UBE4B: variants seen among roughly 807,000 people sequenced by gnomAD.
The protein encoded by UBE4B is ubiquitin conjugation factor E4 B.
Under a neutral mutation model 148.1 loss-of-function variants are expected in UBE4B, and 27 were observed. The observed-to-expected ratio is 0.18, with a 90% confidence interval of 0.13 to 0.25. UBE4B has a LOEUF of 0.25. Ranked by LOEUF, UBE4B falls within the 10% of genes least tolerant of loss-of-function variation. UBE4B has a pLI of 1.00. For missense variants in UBE4B, 1,170 were observed against 1,662.4 expected (o/e 0.70, Z 5.15); for synonymous variants, 596 against 619.3 (o/e 0.96, Z 0.56).
intron 20 of UBE4B, among the ~76,000 whole-genome samples, chr1:10,150,359 C>T (rs1187758127): frequency 6.6e-6 from 1 of 152,030 alleles, no homozygotes; most frequent in Non-Finnish European, 1.5e-5. Context: ...GTTCTATGCA[C>T]AGTGATACAA....
intron 21 of UBE4B, among the ~76,000 whole-genome samples, chr1:10,154,655 A>C (rs1003521931): frequency 1.1e-4 from 16 of 152,176 alleles, no homozygotes; most frequent in African/African-American, 3.9e-4. Context: ...TCTGGCCAAA[A>C]TGGTGAAACC....
At chr1:10,085,419 T>A (rs1644749011) in intron 2 of UBE4B, among the ~76,000 whole-genome samples, 1 of 152,210 alleles carries the variant, frequency 6.6e-6, no homozygotes, top group Non-Finnish European at 1.5e-5. Context: ...ATGTGGCAGA[T>A]GAAAGAGACT....
At chr1:10,158,230 T>A (rs1481896718) in intron 21 of UBE4B, 126 bp from the exon 22 acceptor site, 2 of 1,245,822 alleles carry the variant, frequency 1.6e-6, no homozygotes, top group Admixed American at 4.6e-5. Flanking sequence ...GCAAAAGAAG[T>A]GCAAAATTTC....
chr1:10,094,960 A>G (rs1280753337), intron 2 of UBE4B, among the ~76,000 whole-genome samples: 3 of 151,898 alleles, frequency 2.0e-5, no homozygotes, highest in Non-Finnish European at 4.4e-5. Flanking sequence ...TGTATTTTTA[A>G]TAGACATGAG....
intron 1 of UBE4B, among the ~76,000 whole-genome samples, chr1:10,040,439 CAG>C (rs1449427781): frequency 6.6e-6 from 1 of 151,890 alleles, no homozygotes; most frequent in Non-Finnish European, 1.5e-5. Context: ...TTTGTAGAGA[CAG>C]GGTCTTGCCA....
At chr1:10,115,442 T>C (rs1301222391) in intron 7 of UBE4B, among the ~76,000 whole-genome samples, 1 of 152,040 alleles carries the variant, frequency 6.6e-6, no homozygotes, top group Non-Finnish European at 1.5e-5. Context: ...CTAATTTTTT[T>C]GTATTTTTAG....
intron 20 of UBE4B, among the ~76,000 whole-genome samples, chr1:10,151,038 C>T (rs1645966940): frequency 6.6e-6 from 1 of 151,098 alleles, no homozygotes; most frequent in Non-Finnish European, 1.5e-5. Flanking sequence ...TGGCAGGTGC[C>T]TGTAGTCCCA....
intron 2 of UBE4B, among the ~76,000 whole-genome samples, chr1:10,081,852 G>A (rs1211333216): frequency 1.3e-5 from 2 of 152,080 alleles, no homozygotes; most frequent in Admixed American, 1.3e-4. Context: ...GCCTCCCAAA[G>A]TGCTGGGATT....
chr1:10,033,736 T>C, intron 1 of UBE4B, 42 bp downstream of exon 1: 2 of 1,524,064 alleles, frequency 1.3e-6, no homozygotes, highest in Non-Finnish European at 1.8e-6. Flanking sequence ...AGTTGGCAAC[T>C]CGTTAGCGCT....
chr1:10,043,490 G>T (rs375904050), intron 1 of UBE4B, among the ~76,000 whole-genome samples: 1 of 141,894 alleles, frequency 7.0e-6, no homozygotes, highest in African/African-American at 2.6e-5. Flanking sequence ...GCAGTGGCGC[G>T]ATCTCGGCTC....
chr1:10,056,373 A>T (rs1054748741), intron 1 of UBE4B, among the ~76,000 whole-genome samples: 24 of 152,210 alleles, frequency 1.6e-4, no homozygotes, highest in African/African-American at 3.6e-4. Flanking sequence ...TTATTTTTTT[A>T]AAAAAGACTA....
rs115307556 is a variant in UBE4B at position 10,141,593 on chromosome 1, A to G, written c.2364-3347A>G. Among the ~76,000 whole-genome samples, 1,112 of 152,294 alleles carry G rather than the reference A, an allele frequency of 7.3e-3. 6 individuals carry two copies. Among genetic ancestry groups the G allele is most frequent in the South Asian group, 0.031 (152 of 4,826 alleles). Reference sequence around the variant, plus strand: ...AGAAAACTAGCATAACACATTAGCAAATCTTGCCATTTTTTTTCTTCAAAT... The same window carrying G: ...AGAAAACTAGCATAACACATTAGCAGATCTTGCCATTTTTTTTCTTCAAAT... On this transcript the variant is annotated intron_variant, in intron 17 of 27. Coordinates refer to ENST00000343090, the MANE Select transcript of UBE4B (RefSeq NM_001105562.3).
At chr1:10,118,574 G>A (rs750689673) in intron 8 of UBE4B, among the ~76,000 whole-genome samples, 7 of 150,068 alleles carry the variant, frequency 4.7e-5, no homozygotes, top group South Asian at 2.1e-4. Flanking sequence ...GCACAATCTC[G>A]GCTCACCGCA....
intron 5 of UBE4B, among the ~76,000 whole-genome samples, chr1:10,104,207 A>G (rs1171970655): frequency 6.6e-6 from 1 of 152,256 alleles, no homozygotes; most frequent in Non-Finnish European, 1.5e-5. Flanking sequence ...GCTTAGCAAG[A>G]TAGAACATAA....
chr1:10,135,229 C>G (rs1466370879), intron 16 of UBE4B, 43 bp downstream of exon 16: 1 of 1,554,720 alleles, frequency 6.4e-7, no homozygotes, highest in South Asian at 1.1e-5. Context: ...ACACTGCCCT[C>G]TTGTCTGTGT....
intron 20 of UBE4B, among the ~76,000 whole-genome samples, chr1:10,150,285 C>T (rs1020383947): frequency 2.0e-5 from 3 of 152,036 alleles, no homozygotes; most frequent in South Asian, 4.1e-4. Context: ...GACTCAAAAA[C>T]GTGGTTTATT....
At chr1:10,076,247 CTTTTTTTTTTT>C (rs369214323) in intron 2 of UBE4B, among the ~76,000 whole-genome samples, 1 of 131,652 alleles carries the variant, frequency 7.6e-6, no homozygotes, top group Non-Finnish European at 1.6e-5. Context: ...TTCTTTCTTT[CTTTTTTTTTTT>C]TTTTTTGAGA....
intron 25 of UBE4B, among the ~76,000 whole-genome samples, chr1:10,175,380 A>C (rs74605718): frequency 2.0e-5 from 3 of 152,128 alleles, no homozygotes; most frequent in Non-Finnish European, 2.9e-5. Flanking sequence ...AGCCGGGTGC[A>C]GTGGCTCACG....
intron 16 of UBE4B, 117 bp downstream of exon 16, chr1:10,135,303 A>ATAATAAAAAT: frequency 9.1e-7 from 1 of 1,097,312 alleles, no homozygotes; most frequent in Middle Eastern, 2.1e-4. Context: ...ATAGAGAAAC[A>ATAATAAAAAT]TAATAAAAAT....
Sources: allele counts gnomAD v4.1 joint callset (sites outside exome capture counted in the v4.1 genomes callset), GRCh38; gene constraint gnomAD v4.1.1; transcripts MANE v1.5; gene names NCBI Gene and HGNC (gene_info 2026-07-23, HGNC 2026-07-21).